UBXN8: variants seen among roughly 807,000 people sequenced by gnomAD.
UBXN8 encodes the protein UBX domain-containing protein 8.
In UBXN8, 27 loss-of-function variants were observed where a neutral mutation model predicts 32.1. That is an observed-to-expected ratio of 0.84 (90% CI 0.62 to 1.16). The LOEUF (loss-of-function observed/expected upper bound fraction) is 1.16. Ranked by LOEUF, UBXN8 falls within the 50% of genes most tolerant of loss-of-function variation. The pLI, the probability that UBXN8 is intolerant of heterozygous loss-of-function variation, is 0.00. For synonymous variants in UBXN8, 109 were observed against 111.8 expected, an observed-to-expected ratio of 0.98 and a Z score of 0.16; for missense variants, 306 against 311.4, an observed-to-expected ratio of 0.98 and a Z score of 0.13.
intron 5 of UBXN8, among the ~76,000 whole-genome samples, chr8:30,758,903 T>TTTTTTTTTTTTTG (rs1563564679): frequency 3.5e-5 from 5 of 143,410 alleles, no homozygotes; most frequent in African/African-American, 1.3e-4. Context: ...TGTTTTTTTT[T>TTTTTTTTTTTTTG]TTTTTTTTGA....
intron 1 of UBXN8, among the ~76,000 whole-genome samples, chr8:30,735,444 C>A (rs7015387): frequency 0.2 from 30,102 of 151,922 alleles, 3,138 homozygotes; most frequent in South Asian, 0.3. Flanking sequence ...GTAGTCCCAC[C>A]CACTCAGGAG....
upstream of UBXN8, among the ~76,000 whole-genome samples, chr8:30,742,890 G>GTT (rs796277186): frequency 1.1e-3 from 167 of 148,634 alleles, 1 homozygote; most frequent in Non-Finnish European, 1.9e-3. Flanking sequence ...ATCTTTCCCA[G>GTT]TTTTTTTTTT....
At chr8:30,750,717 G>A (rs1343371652) in intron 1 of UBXN8, among the ~76,000 whole-genome samples, 1 of 149,516 alleles carries the variant, frequency 6.7e-6, no homozygotes, top group East Asian at 2.0e-4. Flanking sequence ...AGCTTGCAGT[G>A]AGCCGAGATC....
intron 1 of UBXN8, 164 bp downstream of exon 1, chr8:30,744,441 G>T: frequency 1.5e-6 from 1 of 679,600 alleles, no homozygotes; most frequent in Non-Finnish European, 2.5e-6. Flanking sequence ...ACTTCACTTC[G>T]AGGAACCTTT....
In UBXN8 at chr8:30,754,777, A is replaced by G; in HGVS notation, c.395A>G (p.His132Arg). The G allele has an allele frequency of 6.4e-7, 1 of 1,556,886 alleles. No individual in the cohort carries two copies. The highest frequency in any genetic ancestry group is 8.6e-7 in the Non-Finnish European group (1 of 1,162,478). Residue 132 changes from histidine to arginine, a missense_variant, in exon 4 of 8, where the codon CAC becomes CGC. Transcript: ENST00000265616. ...GAAGCCTGGAAATTAAGCAGTGGTC[A>G]CAAACTTGGGGTTGGAAAATATTCT... Reference protein sequence around the residue: ...TGEAWKLSSGHKLGGDEGTSQ... With the variant: ...TGEAWKLSSGRKLGGDEGTSQ...
chr8:30,756,972 G>C (rs1419883423), intron 5 of UBXN8, 85 bp downstream of exon 5: 3 of 1,547,630 alleles, frequency 1.9e-6, no homozygotes, highest in Non-Finnish European at 2.6e-6. Context: ...ACTGGGTGAA[G>C]ATCAGGACTG....
chr8:30,752,638 G>A (rs1805545971), intron 2 of UBXN8, among the ~76,000 whole-genome samples: 1 of 152,144 alleles, frequency 6.6e-6, no homozygotes, highest in Non-Finnish European at 1.5e-5. Context: ...GCAAAAGTTT[G>A]TGAGTCCTAG....
chr8:30,741,638 G>A (rs544110384), upstream of UBXN8, among the ~76,000 whole-genome samples: 1 of 152,064 alleles, frequency 6.6e-6, no homozygotes, highest in Admixed American at 6.6e-5. Context: ...TTTTCGTAGA[G>A]ACAGGGTTTC....
In UBXN8 at chr8:30,764,690, C is replaced by A. The variant is rs533127366; in HGVS notation, c.645+1343C>A. The stretch of plus-strand genomic sequence containing the variant: ...AGTATTTTCTACTTAACTAGACTGT[C>A]AAAGATTAAAAAGAAATAGTACCCA... On this transcript the variant is annotated intron_variant, in intron 7 of 7. Transcript: ENST00000265616. Among the ~76,000 whole-genome samples, 10 of 152,258 alleles carry A rather than the reference C, an allele frequency of 6.6e-5. 2 individuals carry two copies. The highest frequency in any genetic ancestry group is 2.4e-4 in the African/African-American group (10 of 41,550).
At chr8:30,748,183 T>C (rs1283933971) in intron 1 of UBXN8, among the ~76,000 whole-genome samples, 2 of 151,696 alleles carry the variant, frequency 1.3e-5, no homozygotes, top group African/African-American at 4.8e-5. Flanking sequence ...TGGAGCGCAG[T>C]GGTGCAGTCT....
At chr8:30,736,138 T>C (rs575333093) in intron 1 of UBXN8, among the ~76,000 whole-genome samples, 2 of 152,314 alleles carry the variant, frequency 1.3e-5, no homozygotes, top group East Asian at 3.9e-4. Context: ...CAGTGTTTAA[T>C]ATTGAGATGA....
At chr8:30,738,090 G>A (rs1376484052) in intron 1 of UBXN8, among the ~76,000 whole-genome samples, 1 of 102,344 alleles carries the variant, frequency 9.8e-6, no homozygotes, top group Non-Finnish European at 2.5e-5. Context: ...GAAACCCTGT[G>A]TCTATTTAAA....
At chr8:30,761,916 C>T (rs1805842663) in intron 6 of UBXN8, among the ~76,000 whole-genome samples, 1 of 152,072 alleles carries the variant, frequency 6.6e-6, no homozygotes, top group Non-Finnish European at 1.5e-5. Flanking sequence ...TGATGCCTTC[C>T]TGTCACTGGC....
rs777133143 is a variant in UBXN8, at chr8:30,756,896, C to T, written c.528+9C>T. 6 of 1,613,604 alleles carry T rather than the reference C, an allele frequency of 3.7e-6. No homozygotes were observed. The highest frequency in any genetic ancestry group is 1.3e-5 in the African/African-American group (1 of 74,926). On this transcript the variant is annotated intron_variant, in intron 5 of 7. Transcript: ENST00000265616. Reference sequence around the variant, plus strand: ...AGCCCACATGCAAGGAGGTAAAGTACTTCATGCCTCTCATTGAATTGTGTC... The same window carrying T: ...AGCCCACATGCAAGGAGGTAAAGTATTTCATGCCTCTCATTGAATTGTGTC...
intron 5 of UBXN8, 42 bp from the exon 6 acceptor site, chr8:30,760,846 G>GT: frequency 7.3e-7 from 1 of 1,373,240 alleles, no homozygotes; most frequent in Non-Finnish European, 1.0e-6. Flanking sequence ...ACTTTTGCTT[G>GT]TTGAACATGT....
rs1805674248 is a variant in UBXN8, at chr8:30,756,795, G to C, written c.436G>C (p.Glu146Gln). The change falls in exon 5 of 8, where the codon GAA becomes CAA. Residue 146 changes from glutamate (E) to glutamine (Q), a missense_variant. Physicochemically the swap from Glu to Gln is conservative, Grantham distance 29 (BLOSUM62 2). Transcript: ENST00000265616. ...GDEGTSQTSF[E>Q]TSNREAAKSQ... is the part of the protein sequence containing the mutation. The stretch of plus-strand genomic sequence containing the variant: ...TGAAGGTACAAGTCAGACATCTTTT[G>C]AAACATCAAACAGAGAAGCAGCAAA... 1 of 1,613,922 alleles carries C rather than the reference G, an allele frequency of 6.2e-7. No individual in the cohort carries two copies. The highest frequency in any genetic ancestry group is 1.3e-5 in the African/African-American group (1 of 74,944).
Position 30,758,178 on chromosome 8 carries a change from G to T in UBXN8, c.528+1291G>T, listed in dbSNP as rs1293054754. Among the ~76,000 whole-genome samples the T allele has an allele frequency of 4.6e-5, 7 of 152,178 alleles. No homozygotes were observed. The East Asian group carries it at 1.4e-3, about 29-fold the overall frequency. The stretch of plus-strand genomic sequence containing the variant: ...CCCAAAGTGCTGGGATTACAGGCGT[G>T]AGCCACTGCGCCCAGCCGAAAATAC... On this transcript the variant is annotated intron_variant, in intron 5 of 7. Transcript: ENST00000265616.
At chr8:30,736,192 C>T (rs151037941) in intron 1 of UBXN8, among the ~76,000 whole-genome samples, 6 of 152,136 alleles carry the variant, frequency 3.9e-5, no homozygotes, top group African/African-American at 4.8e-5. Context: ...TATAACTAAA[C>T]GTGGAATTAA....
intron 4 of UBXN8, 148 bp downstream of exon 4, chr8:30,754,935 T>C: frequency 2.0e-6 from 2 of 1,013,700 alleles, no homozygotes; most frequent in Non-Finnish European, 2.7e-6. Context: ...ACTTGTTTAT[T>C]ACATGGTTAA....
Sources: allele counts gnomAD v4.1 joint callset (sites outside exome capture counted in the v4.1 genomes callset), GRCh38; gene constraint gnomAD v4.1.1; transcripts MANE v1.5; gene names NCBI Gene and HGNC (gene_info 2026-07-23, HGNC 2026-07-21).